The following KIAA1549 variants were observed in gnomAD, a reference collection of about 807,000 sequenced individuals.
The protein encoded by KIAA1549 is KIAA1549.
In KIAA1549, 70 loss-of-function variants were observed where a neutral mutation model predicts 156.4. The ratio of observed to expected loss-of-function variants is 0.45; its 90% CI spans 0.37 to 0.55. The LOEUF (loss-of-function observed/expected upper bound fraction) is 0.55. KIAA1549 is among the 20% of genes least tolerant of loss of function. The pLI is 0.00. For synonymous variants in KIAA1549, 1,103 were observed against 1,066.4 expected, an observed-to-expected ratio of 1.03 and a Z score of -0.67; for missense variants, 2,428 against 2,540.9, an observed-to-expected ratio of 0.96 and a Z score of 0.96.
At position 138,836,929 on chromosome 7, in the gene KIAA1549, A is replaced by G. The variant is rs1217497901; in HGVS notation, c.*977T>C. 1 of 226,378 alleles carries G rather than the reference A, an allele frequency of 4.4e-6. No individual in the cohort carries two copies. The highest frequency in any genetic ancestry group is 8.8e-6 in the Non-Finnish European group (1 of 113,946). 14.0% of individuals were successfully genotyped at this position (226,378 alleles called of 1,614,324 possible). A position where few individuals can be genotyped will look rare whatever the true frequency, so the allele number is the denominator to read the frequency against. On this transcript the variant is annotated 3_prime_UTR_variant, in exon 20 of 20. Coordinates refer to ENST00000422774, the MANE Select transcript of KIAA1549 (RefSeq NM_001164665.2). ...GAATTATTAAATAACTTCTGCTTACAGAAGATTTCTCATTCAGACATAATT... is the reference window on the plus strand; with the variant it reads ...GAATTATTAAATAACTTCTGCTTACGGAAGATTTCTCATTCAGACATAATT...
intron 12 of KIAA1549, among the ~76,000 whole-genome samples, chr7:138,873,942 CACACATATATATTATATAATT>C (rs1300362751): frequency 2.8e-5 from 4 of 141,870 alleles, no homozygotes; most frequent in African/African-American, 1.2e-4. Flanking sequence ...TAATATATAT[CACACATATATATTATATAATT>C]ATATCACACA....
At chr7:138,901,907 C>G (rs1811854160) in intron 8 of KIAA1549, among the ~76,000 whole-genome samples, 1 of 152,138 alleles carries the variant, frequency 6.6e-6, no homozygotes, top group African/African-American at 2.4e-5. Context: ...CTGGATGTGC[C>G]ACTTTTACAA....
chr7:138,868,241 C>T lies in KIAA1549; in HGVS notation c.4776-113G>A. On this transcript the variant is annotated intron_variant, in intron 14 of 19. Coordinates refer to ENST00000422774, the MANE Select transcript of KIAA1549 (RefSeq NM_001164665.2). ...TAGGATGTGCTACCCCTGGAAACAC[C>T]CCATAGGATATAAACGCCATGTACG... The T allele has an allele frequency of 5.0e-6, 5 of 1,009,584 alleles. No homozygotes were observed. The South Asian group carries it at 7.7e-5, about 16-fold the overall frequency. The allele number at this position is 1,009,584 out of a possible 1,614,324, so 62.5% of individuals were successfully genotyped here. A position where few individuals can be genotyped will look rare whatever the true frequency, so the allele number is the denominator to read the frequency against.
chr7:138,968,649 C>A (rs749305270), intron 1 of KIAA1549, among the ~76,000 whole-genome samples: 17 of 151,758 alleles, frequency 1.1e-4, no homozygotes, highest in Admixed American at 7.9e-4. Flanking sequence ...AGATCGAGAC[C>A]ATCCTGGCTA....
At position 138,918,912 on chromosome 7, in the gene KIAA1549, G is replaced by A. The variant is rs1283184394; in HGVS notation, c.714C>T (p.Thr238=). 1.2e-6 allele frequency: 2 copies of A among 1,614,050 alleles called. No homozygotes were observed. Among genetic ancestry groups the A allele is most frequent in the East Asian group, 2.2e-5 (1 of 44,874 alleles). ...CAGGAGTTGGAACGATGCCCTCAGAGGTGCGAAAAGCTGACCGAAAGGTGT... is the reference window on the plus strand; with the variant it reads ...CAGGAGTTGGAACGATGCCCTCAGAAGTGCGAAAAGCTGACCGAAAGGTGT... ...HFHTFRSAFR[T]SEGIVPTPGR... is the part of the protein sequence containing the mutation. Residue 238 remains threonine, a synonymous_variant, in exon 2 of 20, where the codon ACC becomes ACT. Coordinates refer to ENST00000422774, the MANE Select transcript of KIAA1549 (RefSeq NM_001164665.2). This position sits in a 1 kb window ranked among gnomAD's most constrained non-coding sequence, Gnocchi z 4.2.
rs768849251 is a variant in KIAA1549, at chr7:138,918,047, G to A, written c.1579C>T (p.Arg527Cys). 9.3e-5 allele frequency: 150 copies of A among 1,611,952 alleles called. No homozygotes were observed. The highest frequency in any genetic ancestry group is 3.3e-4 in the Middle Eastern group (2 of 6,082). The change falls in exon 2 of 20, where the codon CGC (arginine) becomes TGC (cysteine). Residue 527 changes from arginine to cysteine, a missense_variant. Coordinates refer to ENST00000422774, the MANE Select transcript of KIAA1549 (RefSeq NM_001164665.2). This position sits in a 1 kb window ranked among gnomAD's most constrained non-coding sequence, Gnocchi z 4.2. ...TTTQVPPAHG[R>C]LSVPASLDPT... ...TCAAGTGACGCCGGCACAGAGAGGC[G>A]GCCGTGGGCAGGGGGAACCTGTGTG... is the stretch of plus-strand genomic sequence containing the variant.
intron 9 of KIAA1549, among the ~76,000 whole-genome samples, chr7:138,896,763 C>CTTA (rs57054808): frequency 0.028 from 4,210 of 151,368 alleles, 198 homozygotes; most frequent in African/African-American, 0.096. Flanking sequence ...GCCCAGCTAG[C>CTTA]TTATTATTAT....
At chr7:138,927,417 A>T (rs1042702135) in intron 1 of KIAA1549, among the ~76,000 whole-genome samples, 4 of 152,236 alleles carry the variant, frequency 2.6e-5, no homozygotes, top group Non-Finnish European at 5.9e-5. Flanking sequence ...AGGTGGGCAG[A>T]TCACAAGGTC....
At position 138,858,109 on chromosome 7, in the gene KIAA1549, C is replaced by A. The variant is rs369427187; in HGVS notation, c.5247+3030G>T. Among the ~76,000 whole-genome samples the A allele has an allele frequency of 4.6e-5, 7 of 151,994 alleles. No individual in the cohort carries two copies. In the East Asian group the frequency reaches 1.3e-3, roughly 29 times the overall value. ...TCCCCATCTGTGCTTTATTGCTTTT[C>A]ATTTCCTTGTCTGCCTTCTTTTTTT... On this transcript the variant is annotated intron_variant, in intron 16 of 19. Coordinates refer to ENST00000422774, the MANE Select transcript of KIAA1549 (RefSeq NM_001164665.2).
intron 1 of KIAA1549, among the ~76,000 whole-genome samples, chr7:138,921,835 A>T (rs1405591067): frequency 6.6e-6 from 1 of 152,204 alleles, no homozygotes; most frequent in Non-Finnish European, 1.5e-5. Flanking sequence ...ACTGCACTCC[A>T]GCCTGGGAGA....
chr7:138,966,575 G>A (rs1386185091), intron 1 of KIAA1549, among the ~76,000 whole-genome samples: 1 of 151,898 alleles, frequency 6.6e-6, no homozygotes, highest in African/African-American at 2.4e-5. Context: ...CACGTAGGCT[G>A]GGAGGCTAAG....
At chr7:138,843,024 T>C (rs1290709660) in intron 18 of KIAA1549, among the ~76,000 whole-genome samples, 1 of 152,220 alleles carries the variant, frequency 6.6e-6, no homozygotes, top group African/African-American at 2.4e-5. Flanking sequence ...CTGTAAGTCC[T>C]ACCGCCAAAC....
intron 1 of KIAA1549, among the ~76,000 whole-genome samples, chr7:138,931,752 CAAAAAAAAAAA>C (rs71169066): frequency 9.9e-6 from 1 of 101,382 alleles, no homozygotes; most frequent in Non-Finnish European, 2.3e-5. Flanking sequence ...AGTCCCATCT[CAAAAAAAAAAA>C]AAAAAAAAAA....
At chr7:138,961,297 T>G (rs1813838071) in intron 1 of KIAA1549, among the ~76,000 whole-genome samples, 1 of 152,194 alleles carries the variant, frequency 6.6e-6, no homozygotes, top group Admixed American at 6.5e-5. Flanking sequence ...GCGTTCTTCT[T>G]TTGAAGTCTA....
At chr7:138,897,277 C>A (rs1224894602) in intron 9 of KIAA1549, among the ~76,000 whole-genome samples, 1 of 152,206 alleles carries the variant, frequency 6.6e-6, no homozygotes, top group East Asian at 1.9e-4. Flanking sequence ...TCATATCTCA[C>A]ATACACAAAC....
At chr7:138,861,010 A>G (rs1810554390) in intron 16 of KIAA1549, 129 bp downstream of exon 16, 1 of 831,448 alleles carries the variant, frequency 1.2e-6, no homozygotes, top group Non-Finnish European at 1.9e-6. Context: ...AAAAACTAAG[A>G]CCCATCACCC....
chr7:138,961,319 C>T (rs1584786612), intron 1 of KIAA1549, among the ~76,000 whole-genome samples: 2 of 152,170 alleles, frequency 1.3e-5, no homozygotes, highest in African/African-American at 4.8e-5. Context: ...GACGGAAATG[C>T]TGCATTTTGA....
At chr7:138,958,526 T>C (rs1813738398) in intron 1 of KIAA1549, among the ~76,000 whole-genome samples, 4 of 152,192 alleles carry the variant, frequency 2.6e-5, no homozygotes, top group Admixed American at 2.6e-4. Context: ...TATATATGAA[T>C]ATTTATATAA....
At position 138,981,305 on chromosome 7, in the gene KIAA1549, G is replaced by A. The variant is rs1172553248; in HGVS notation, c.-36C>T. On this transcript the variant is annotated 5_prime_UTR_variant, in exon 1 of 20. Transcript: ENST00000422774. This position sits in a 1 kb window ranked among gnomAD's most constrained non-coding sequence, Gnocchi z 4.5. ...CGCCCCGGCCCGGCCTCGCGGCTCA[G>A]CGGCTCTCGGGTCCGGGAGGGGCGG... is the stretch of plus-strand genomic sequence containing the variant. 2.2e-6 allele frequency: 2 copies of A among 916,474 alleles called. No individual in the cohort carries two copies. The highest frequency in any genetic ancestry group is 2.6e-6 in the Non-Finnish European group (2 of 770,002). The allele number at this position is 916,474 out of a possible 1,614,324, so 56.8% of individuals were successfully genotyped here.
Sources: allele counts gnomAD v4.1 joint callset (sites outside exome capture counted in the v4.1 genomes callset), GRCh38; gene constraint gnomAD v4.1.1; non-coding constraint Gnocchi (gnomAD v3.1); transcripts MANE v1.5; gene names NCBI Gene and HGNC (gene_info 2026-07-23, HGNC 2026-07-21).